RNF115: variants seen among roughly 807,000 people sequenced by gnomAD.
RNF115 encodes the protein E3 ubiquitin-protein ligase RNF115.
Under a neutral mutation model 39.2 loss-of-function variants are expected in RNF115, and 31 were observed. That is an observed-to-expected ratio of 0.79 (90% CI 0.59 to 1.07). The LOEUF is 1.07. Among genes scored for constraint, RNF115 ranks in the 50% least tolerant of loss-of-function variants. The pLI is 0.00. For synonymous variants in RNF115, 124 were observed against 131.0 expected (o/e 0.95, Z 0.37); for missense variants, 384 against 381.7 (o/e 1.01, Z -0.05).
chr1:145,774,989 G>A (rs966296799), intron 3 of RNF115, among the ~76,000 whole-genome samples: 23 of 152,294 alleles, frequency 1.5e-4, no homozygotes, highest in Non-Finnish European at 1.5e-4. Flanking sequence ...GCTTATGCCT[G>A]TAATCCTAGC....
chr1:145,740,730 TAATAA>T lies in RNF115; in HGVS notation c.*6131_*6135del, dbSNP rs1266265244. 2 of 152,264 alleles carry T rather than the reference TAATAA, an allele frequency of 1.3e-5. No homozygotes were observed. The highest frequency in any genetic ancestry group is 4.8e-5 in the African/African-American group (2 of 41,476). The allele number at this position is 152,264 out of a possible 1,614,324, so 9.4% of individuals were successfully genotyped here. ...AATTGGATGTAGATTCTGGTGTGAC[TAATAA>T]ATTAACTTAAAAGCATTACTGAAAT... On this transcript the variant is annotated 3_prime_UTR_variant, in exon 9 of 9. Coordinates refer to ENST00000582693, the MANE Select transcript of RNF115 (RefSeq NM_014455.4).
chr1:145,748,460 T>C (rs903273770), intron 7 of RNF115, among the ~76,000 whole-genome samples: 5 of 152,192 alleles, frequency 3.3e-5, no homozygotes, highest in African/African-American at 9.7e-5. Context: ...TCCCAATGTG[T>C]GACAGCCCTC....
At chr1:145,819,506 G>C (rs1461972895) in intron 1 of RNF115, among the ~76,000 whole-genome samples, 2 of 151,912 alleles carry the variant, frequency 1.3e-5, no homozygotes, top group African/African-American at 4.8e-5. Flanking sequence ...TGGACCAGAC[G>C]GACTCACAGC....
intron 4 of RNF115, among the ~76,000 whole-genome samples, chr1:145,768,003 A>T (rs1553715283): frequency 6.6e-6 from 1 of 152,046 alleles, no homozygotes; most frequent in East Asian, 1.9e-4. Context: ...GGGGAGAGGG[A>T]GAGGGAGAGG....
At chr1:145,782,395 G>A (rs1648188206) in intron 3 of RNF115, among the ~76,000 whole-genome samples, 1 of 152,112 alleles carries the variant, frequency 6.6e-6, no homozygotes, top group Non-Finnish European at 1.5e-5. Flanking sequence ...CCTGAGGTGG[G>A]AGGATCACTT....
chr1:145,793,147 T>TC (rs1316557500), intron 1 of RNF115, among the ~76,000 whole-genome samples: 1 of 152,128 alleles, frequency 6.6e-6, no homozygotes, highest in Non-Finnish European at 1.5e-5. Context: ...AGTGAGACCT[T>TC]GTCTCTACAA....
At chr1:145,806,331 G>A (rs965916832) in intron 1 of RNF115, among the ~76,000 whole-genome samples, 5 of 152,066 alleles carry the variant, frequency 3.3e-5, no homozygotes, top group Admixed American at 1.3e-4. Context: ...CTGGGCAACA[G>A]AGGAAGACTC....
At chr1:145,750,529 A>C in intron 6 of RNF115, 29 bp from the exon 7 acceptor site, 1 of 1,560,574 alleles carries the variant, frequency 6.4e-7, no homozygotes, top group South Asian at 1.1e-5. Flanking sequence ...AAAAAGACGA[A>C]GTGGCAGACA....
chr1:145,795,905 T>A (rs1009786292), intron 1 of RNF115, among the ~76,000 whole-genome samples: 2 of 152,192 alleles, frequency 1.3e-5, no homozygotes, highest in Admixed American at 1.3e-4. Flanking sequence ...ACTATCCTCC[T>A]GCAATCAACA....
intron 1 of RNF115, among the ~76,000 whole-genome samples, chr1:145,813,227 C>G (rs1187191491): frequency 6.6e-6 from 1 of 150,992 alleles, no homozygotes; most frequent in Non-Finnish European, 1.5e-5. Flanking sequence ...CTGAGACGGT[C>G]AGATGACTCA....
Position 145,743,294 on chromosome 1 carries a change from C to T in RNF115, c.*3572G>A, listed in dbSNP as rs1657741097. Reference sequence around the variant, plus strand: ...ATAGAACAAGTAAGGGAGAAGTCCTCCTGCCTGACTGCTTGAACTAAGACC... The same window carrying T: ...ATAGAACAAGTAAGGGAGAAGTCCTTCTGCCTGACTGCTTGAACTAAGACC... On this transcript the variant is annotated 3_prime_UTR_variant, in exon 9 of 9. Coordinates refer to ENST00000582693, the MANE Select transcript of RNF115 (RefSeq NM_014455.4). 3 of 152,326 alleles carry T rather than the reference C, an allele frequency of 2.0e-5. No homozygotes were observed. In the South Asian group the frequency reaches 6.2e-4, roughly 32 times the overall value. 9.4% of individuals were successfully genotyped at this position (152,326 alleles called of 1,614,324 possible).
At chr1:145,820,720 G>A (rs1280988264) in intron 1 of RNF115, among the ~76,000 whole-genome samples, 1 of 152,140 alleles carries the variant, frequency 6.6e-6, no homozygotes, top group Non-Finnish European at 1.5e-5. Flanking sequence ...TGGTGACAGA[G>A]CGAGACTCAG....
intron 3 of RNF115, among the ~76,000 whole-genome samples, chr1:145,774,073 G>A (rs112933476): frequency 3.3e-4 from 50 of 152,234 alleles, no homozygotes; most frequent in Admixed American, 7.8e-4. Context: ...GTAAACCTTT[G>A]ATTACCTTTC....
At chr1:145,754,234 C>T (rs1030332592) in intron 4 of RNF115, among the ~76,000 whole-genome samples, 1 of 152,170 alleles carries the variant, frequency 6.6e-6, no homozygotes, top group African/African-American at 2.4e-5. Flanking sequence ...AATATGTATG[C>T]ATTGTGGAAT....
chr1:145,784,880 G>C (rs770112436), intron 2 of RNF115, among the ~76,000 whole-genome samples: 8 of 152,120 alleles, frequency 5.3e-5, no homozygotes, highest in Non-Finnish European at 8.8e-5. Context: ...ATGCAATTCG[G>C]ATTTGACCTA....
intron 4 of RNF115, among the ~76,000 whole-genome samples, chr1:145,759,677 G>T (rs1193132160): frequency 6.6e-6 from 1 of 152,094 alleles, no homozygotes; most frequent in African/African-American, 2.4e-5. Context: ...TTTCAGCACA[G>T]CAGTTAGAGC....
chr1:145,779,175 ATTTT>A (rs35142462), intron 3 of RNF115, among the ~76,000 whole-genome samples: 2 of 142,028 alleles, frequency 1.4e-5, no homozygotes, highest in Non-Finnish European at 3.1e-5. Context: ...TGAAGTCCTA[ATTTT>A]TTTTTTTTTT....
chr1:145,810,629 C>T (rs1216283468), intron 1 of RNF115, among the ~76,000 whole-genome samples: 2 of 126,136 alleles, frequency 1.6e-5, no homozygotes, highest in Non-Finnish European at 3.3e-5. Flanking sequence ...GCACATCCTG[C>T]ACATGTGCCC....
At chr1:145,818,072 T>G (rs1192226714) in intron 1 of RNF115, among the ~76,000 whole-genome samples, 1 of 151,252 alleles carries the variant, frequency 6.6e-6, no homozygotes, top group African/African-American at 2.4e-5. Context: ...TACAAGTGCA[T>G]GTGTCTTTTT....
Sources: allele counts gnomAD v4.1 joint callset (sites outside exome capture counted in the v4.1 genomes callset), GRCh38; gene constraint gnomAD v4.1.1; transcripts MANE v1.5; gene names NCBI Gene and HGNC (gene_info 2026-07-23, HGNC 2026-07-21).